DOCK3: variants seen among roughly 807,000 people sequenced by gnomAD.
The protein encoded by DOCK3 is dedicator of cytokinesis protein 3.
Under a neutral mutation model 265.6 loss-of-function variants are expected in DOCK3, and 60 were observed. The observed-to-expected ratio is 0.23, with a 90% CI of 0.18 to 0.28. DOCK3 has a LOEUF of 0.28. DOCK3 is among the 10% of genes least tolerant of loss of function. The probability of loss-of-function intolerance (pLI) is 1.00; values close to 1 mark genes in which losing one functional copy is unlikely to be tolerated. For synonymous variants in DOCK3, 881 were observed against 938.0 expected, an observed-to-expected ratio of 0.94 and a Z score of 1.11; for missense variants, 1,981 against 2,594.3, an observed-to-expected ratio of 0.76 and a Z score of 5.14.
rs1412267806 is a variant in DOCK3 at position 51,064,526 on chromosome 3, G to A, written c.394G>A (p.Gly132Ser). 2 of 1,613,990 alleles carry A rather than the reference G, an allele frequency of 1.2e-6. No individual in the cohort carries two copies. Among genetic ancestry groups the A allele is most frequent in the East Asian group, 4.5e-5 (2 of 44,880 alleles). Reference protein sequence around the residue: ...LIDLRRQLLSGHLTQDQVREV... With the variant: ...LIDLRRQLLSSHLTQDQVREV... Reference sequence around the variant, plus strand: ...TGACCTGCGAAGGCAGCTACTGTCTGGTCACCTGACTCAGGATCAGGTGCG... The same window carrying A: ...TGACCTGCGAAGGCAGCTACTGTCTAGTCACCTGACTCAGGATCAGGTGCG... The change falls in exon 6 of 53, where the codon GGT becomes AGT. Residue 132 changes from glycine (G) to serine (S), a missense_variant. Gly to Ser is a moderately conservative substitution (Grantham distance 56, BLOSUM62 0). Coordinates refer to ENST00000266037, the MANE Select transcript of DOCK3 (RefSeq NM_004947.5).
intron 2 of DOCK3, among the ~76,000 whole-genome samples, chr3:50,818,400 T>G (rs1341567817): frequency 1.3e-5 from 2 of 152,254 alleles, no homozygotes; most frequent in Non-Finnish European, 2.9e-5. Flanking sequence ...GTCTTACACT[T>G]CCAAATGTTT....
chr3:51,346,116 G>A (rs1454781921), intron 38 of DOCK3, among the ~76,000 whole-genome samples: 3 of 151,946 alleles, frequency 2.0e-5, no homozygotes, highest in Admixed American at 6.6e-5. Flanking sequence ...GTAAACTAAT[G>A]ACCCTCAATC....
chr3:50,754,839 G>A (rs1285067955), intron 1 of DOCK3, among the ~76,000 whole-genome samples: 1 of 152,046 alleles, frequency 6.6e-6, no homozygotes, highest in Non-Finnish European at 1.5e-5. Context: ...GATTACAGGT[G>A]TGAGCCACCA....
At chr3:50,749,566 T>G (rs1338833733) in intron 1 of DOCK3, among the ~76,000 whole-genome samples, 6 of 152,150 alleles carry the variant, frequency 3.9e-5, no homozygotes, top group Non-Finnish European at 1.5e-5. Flanking sequence ...CCCAACTTGT[T>G]TTTATACCTA....
At chr3:51,174,724 G>A (rs1204760490) in intron 12 of DOCK3, among the ~76,000 whole-genome samples, 2 of 152,148 alleles carry the variant, frequency 1.3e-5, no homozygotes. Flanking sequence ...GTTAATGTCA[G>A]TGCCTGTGAA....
intron 5 of DOCK3, among the ~76,000 whole-genome samples, chr3:51,048,536 G>C (rs1276255823): frequency 1.3e-5 from 2 of 152,144 alleles, no homozygotes; most frequent in African/African-American, 4.8e-5. Context: ...TATACACATA[G>C]CCTGAAGGTA....
At chr3:50,806,070 AT>A (rs1459682935) in intron 2 of DOCK3, among the ~76,000 whole-genome samples, 1 of 151,802 alleles carries the variant, frequency 6.6e-6, no homozygotes, top group East Asian at 1.9e-4. Flanking sequence ...TAGACCTGAG[AT>A]GCAGACACAG....
chr3:51,231,999 G>T (rs773267325), intron 19 of DOCK3, among the ~76,000 whole-genome samples: 7 of 152,198 alleles, frequency 4.6e-5, no homozygotes, highest in Non-Finnish European at 8.8e-5. Context: ...CAGCATGTCA[G>T]TGGGAAGGAA....
intron 10 of DOCK3, among the ~76,000 whole-genome samples, chr3:51,148,702 A>T (rs572391266): frequency 6.6e-6 from 1 of 152,178 alleles, no homozygotes; most frequent in South Asian, 2.1e-4. Context: ...ATTGGTCTAT[A>T]CCTCTGTTTT....
At chr3:51,238,713 G>A (rs1490749786) in intron 21 of DOCK3, among the ~76,000 whole-genome samples, 1 of 152,046 alleles carries the variant, frequency 6.6e-6, no homozygotes, top group Non-Finnish European at 1.5e-5. Context: ...TGTGGTATTT[G>A]GTTTTCTGTT....
chr3:51,300,191 A>G lies in DOCK3; in HGVS notation c.2923-10041A>G, dbSNP rs1286970900. 2.0e-5 allele frequency among the ~76,000 whole-genome samples: 3 copies of G among 152,250 alleles called. No homozygotes were observed. In the East Asian group the frequency reaches 5.8e-4, roughly 29 times the overall value. ...TTGTAGCAGTTGTGAATGGGAGTTC[A>G]TTCATGATTTGGCTCTCTCCTTGGG... On this transcript the variant is annotated intron_variant, in intron 27 of 52. Coordinates refer to ENST00000266037, the MANE Select transcript of DOCK3 (RefSeq NM_004947.5).
At chr3:50,738,793 A>G (rs985714496) in intron 1 of DOCK3, among the ~76,000 whole-genome samples, 1 of 151,844 alleles carries the variant, frequency 6.6e-6, no homozygotes, top group African/African-American at 2.4e-5. Flanking sequence ...TTTATTACTT[A>G]TTTTCAGTAT....
intron 5 of DOCK3, among the ~76,000 whole-genome samples, chr3:51,041,196 A>G (rs1469844909): frequency 2.1e-4 from 3 of 14,522 alleles, no homozygotes; most frequent in South Asian, 2.8e-3. Flanking sequence ...ATATATATAT[A>G]TATATATATT....
chr3:50,719,535 T>A lies in DOCK3; in HGVS notation c.37+44235T>A, dbSNP rs189318254. On this transcript the variant is annotated intron_variant, in intron 1 of 52. Transcript: ENST00000266037. ...ATCTTCTCACTGGTCTTGCCGTTTC[T>A]GGATCTAGAGCACTCCATGGCCTGC... The A allele has an allele frequency of 7.7e-4, 912 of 1,180,472 alleles. 10 individuals are homozygous for A. The African/African-American group carries it at 0.011, about 14-fold the overall frequency. 73.1% of individuals were successfully genotyped at this position (1,180,472 alleles called of 1,614,324 possible). A position where few individuals can be genotyped will look rare whatever the true frequency, so the allele number is the denominator to read the frequency against.
intron 2 of DOCK3, among the ~76,000 whole-genome samples, chr3:50,805,134 G>A (rs186897978): frequency 5.3e-5 from 8 of 152,162 alleles, no homozygotes; most frequent in African/African-American, 1.9e-4. Context: ...TGGAAAAGTC[G>A]CCTCTTCCAA....
Position 51,208,831 on chromosome 3 carries a change from T to A in DOCK3, c.1095T>A (p.Ser365Arg). ...QIHENIIRKSSAKYSAPSASH... is the reference protein window; with the variant it reads ...QIHENIIRKSRAKYSAPSASH... ...ACGAGAACATCATCCGAAAGTCCAG[T>A]GCCAAGTACTCTGCCCCCAGCGCCA... Residue 365 changes from serine to arginine, a missense_variant, in exon 13 of 53, where the codon AGT (serine) becomes AGA (arginine). By Grantham distance (110) the Ser-to-Arg change is moderately radical (BLOSUM62 -1). Coordinates refer to ENST00000266037, the MANE Select transcript of DOCK3 (RefSeq NM_004947.5). 6.2e-7 allele frequency: 1 copy of A among 1,612,066 alleles called. No individual in the cohort carries two copies. The highest frequency in any genetic ancestry group is 8.5e-7 in the Non-Finnish European group (1 of 1,179,240).
At chr3:50,837,946 A>G (rs2045607497) in intron 2 of DOCK3, among the ~76,000 whole-genome samples, 1 of 152,224 alleles carries the variant, frequency 6.6e-6, no homozygotes, top group Non-Finnish European at 1.5e-5. Context: ...TGAGATCAGC[A>G]GAGGCTCTAA....
At chr3:50,755,755 C>T (rs562935623) in intron 1 of DOCK3, among the ~76,000 whole-genome samples, 1 of 152,242 alleles carries the variant, frequency 6.6e-6, no homozygotes, top group Admixed American at 6.5e-5. Flanking sequence ...TAAATGGAAT[C>T]ATATAATATA....
At chr3:50,891,043 T>C (rs73833943) in intron 4 of DOCK3, among the ~76,000 whole-genome samples, 3,774 of 152,140 alleles carry the variant, frequency 0.025, 181 homozygotes, top group African/African-American at 0.087. Flanking sequence ...AAATAGCTAC[T>C]GTTGGTATGT....
Sources: allele counts gnomAD v4.1 joint callset (sites outside exome capture counted in the v4.1 genomes callset), GRCh38; gene constraint gnomAD v4.1.1; transcripts MANE v1.5; gene names NCBI Gene and HGNC (gene_info 2026-07-23, HGNC 2026-07-21).